Variants in CPED1 observed in about 807,000 individuals in gnomAD.
CPED1 encodes cadherin-like and PC-esterase domain-containing protein 1.
In CPED1, 114 loss-of-function variants were observed where a neutral mutation model predicts 128.2. The observed-to-expected ratio is 0.89, with a 90% confidence interval of 0.76 to 1.04. The LOEUF is 1.04. CPED1 is among the 50% of genes least tolerant of loss of function. The pLI is 0.00. For missense variants in CPED1, 1,211 were observed against 1,207.1 expected, an observed-to-expected ratio of 1.00 and a Z score of -0.05; for synonymous variants, 462 against 426.7, an observed-to-expected ratio of 1.08 and a Z score of -1.02.
Position 121,071,300 on chromosome 7 carries a change from C to A in CPED1, c.616+6987C>A, listed in dbSNP as rs143114864. ...TTCAGATCCCATCCAGTGGTCTAGT[C>A]CTTCTTCTCCCACTTCCTCATTCAC... On this transcript the variant is annotated intron_variant, in intron 5 of 22. Coordinates refer to ENST00000310396, the MANE Select transcript of CPED1 (RefSeq NM_024913.5). 4.5e-4 allele frequency among the ~76,000 whole-genome samples: 68 copies of A among 152,238 alleles called. 2 individuals are homozygous for A. The highest frequency in any genetic ancestry group is 1.6e-3 in the African/African-American group (67 of 41,560).
rs373308383 is a variant in CPED1 at position 121,260,162 on chromosome 7, T to C, written c.2311-6065T>C. 2.1e-4 allele frequency among the ~76,000 whole-genome samples: 31 copies of C among 150,920 alleles called. 1 individual carries two copies. In the East Asian group the frequency reaches 3.4e-3, roughly 16 times the overall value. On this transcript the variant is annotated intron_variant, in intron 18 of 22. Coordinates refer to ENST00000310396, the MANE Select transcript of CPED1 (RefSeq NM_024913.5). ...AGATAATGGCAATGTAGACAAATAA[T>C]TTTGTTCCAAGCAGCTAGAAGAGCT...
chr7:121,267,842 T>G (rs887328220), intron 21 of CPED1, among the ~76,000 whole-genome samples: 1 of 151,992 alleles, frequency 6.6e-6, no homozygotes, highest in Non-Finnish European at 1.5e-5. Flanking sequence ...ATGACCCTGG[T>G]GAGCACTGGG....
At chr7:121,107,942 T>G (rs1327071250) in intron 7 of CPED1, among the ~76,000 whole-genome samples, 2 of 152,116 alleles carry the variant, frequency 1.3e-5, no homozygotes, top group African/African-American at 4.8e-5. Context: ...AAATCTGACT[T>G]GCATTTGTCT....
chr7:121,210,703 T>C (rs887077404), intron 16 of CPED1, among the ~76,000 whole-genome samples: 1 of 151,802 alleles, frequency 6.6e-6, no homozygotes, highest in African/African-American at 2.4e-5. Context: ...GGTTGATGTA[T>C]ACAAAAATGT....
intron 5 of CPED1, among the ~76,000 whole-genome samples, chr7:121,094,203 T>A (rs959988479): frequency 1.3e-5 from 2 of 152,180 alleles, no homozygotes; most frequent in African/African-American, 4.8e-5. Context: ...TTATTGAAAA[T>A]TTTAAAATAA....
chr7:121,283,517 C>G lies in CPED1; in HGVS notation c.2869-11923C>G, dbSNP rs138859337. On this transcript the variant is annotated intron_variant, in intron 22 of 22. Coordinates refer to ENST00000310396, the MANE Select transcript of CPED1 (RefSeq NM_024913.5). The stretch of plus-strand genomic sequence containing the variant: ...TGTGCTAAGCTCTATGTTTAGATTT[C>G]TAGTCACTAAGAGTAGGGAAGAGAG... 2.5e-3 allele frequency among the ~76,000 whole-genome samples: 387 copies of G among 152,302 alleles called. 2 individuals carry two copies. Among genetic ancestry groups the G allele is most frequent in the African/African-American group, 8.8e-3 (367 of 41,574 alleles).
intron 3 of CPED1, among the ~76,000 whole-genome samples, chr7:121,030,959 G>A (rs1792713060): frequency 1.3e-5 from 2 of 152,174 alleles, no homozygotes; most frequent in Non-Finnish European, 2.9e-5. Flanking sequence ...GATGAATTGA[G>A]GTTTAGGCAG....
At position 121,105,937 on chromosome 7, in the gene CPED1, A is replaced by G. The variant is rs75897014; in HGVS notation, c.918+5843A>G. 7.9e-3 allele frequency among the ~76,000 whole-genome samples: 1,201 copies of G among 152,278 alleles called. 21 individuals carry two copies. Among genetic ancestry groups the G allele is most frequent in the African/African-American group, 0.026 (1,094 of 41,566 alleles). On this transcript the variant is annotated intron_variant, in intron 7 of 22. Transcript: ENST00000310396. The stretch of plus-strand genomic sequence containing the variant: ...CTAAATGTAAAGAAAACTATTCATT[A>G]ATGATGATCATCTTTATCTGGCCAA...
chr7:121,166,486 T>C lies in CPED1; in HGVS notation c.2055+24345T>C, dbSNP rs544581707. 7.2e-4 allele frequency among the ~76,000 whole-genome samples: 109 copies of C among 152,330 alleles called. 1 individual carries two copies. Among genetic ancestry groups the C allele is most frequent in the African/African-American group, 2.5e-3 (102 of 41,580 alleles). On this transcript the variant is annotated intron_variant, in intron 16 of 22. Transcript: ENST00000310396. ...TAAATGATTCCAGTTCATCCTTTTTTTGAATTTCAGTTAAATACACATTCT... is the reference window on the plus strand; with the variant it reads ...TAAATGATTCCAGTTCATCCTTTTTCTGAATTTCAGTTAAATACACATTCT...
At chr7:121,023,396 C>G (rs1001555781) in intron 3 of CPED1, among the ~76,000 whole-genome samples, 1 of 152,014 alleles carries the variant, frequency 6.6e-6, no homozygotes, top group Non-Finnish European at 1.5e-5. Flanking sequence ...TAGAACAGCC[C>G]AGAACAAAAA....
At chr7:121,282,320 C>G (rs1045626516) in intron 22 of CPED1, among the ~76,000 whole-genome samples, 1 of 152,138 alleles carries the variant, frequency 6.6e-6, no homozygotes, top group African/African-American at 2.4e-5. Context: ...GGTAACCTAA[C>G]GTGTATTGCA....
chr7:121,223,738 A>G (rs1361905006), intron 16 of CPED1, among the ~76,000 whole-genome samples: 1 of 151,532 alleles, frequency 6.6e-6, no homozygotes, highest in Non-Finnish European at 1.5e-5. Flanking sequence ...TTTCTAGTTT[A>G]TTTTCGTAGA....
At chr7:121,157,767 G>A (rs537591918) in intron 16 of CPED1, among the ~76,000 whole-genome samples, 2 of 152,112 alleles carry the variant, frequency 1.3e-5, no homozygotes, top group South Asian at 2.1e-4. Context: ...AAGGGCTATC[G>A]GCATCCAGAC....
At chr7:121,061,278 G>A (rs1468408733) in intron 4 of CPED1, 2 of 666,076 alleles carry the variant, frequency 3.0e-6, no homozygotes, top group Non-Finnish European at 3.7e-6. Flanking sequence ...ATATCCTAGG[G>A]TTTAAATATT....
rs1584642750 is a variant in CPED1, at chr7:121,266,314, G to A, written c.2398G>A (p.Val800Ile). ...TGAAACGTTGCAGGAATGGCAGAAAGTACATGGCACTAAATTCTATCACAA... is the reference window on the plus strand; with the variant it reads ...TGAAACGTTGCAGGAATGGCAGAAAATACATGGCACTAAATTCTATCACAA... ...LNETLQEWQK[V>I]HGTKFYHNVN... Residue 800 changes from valine to isoleucine, a missense_variant, in exon 19 of 23, where the codon GTA (valine) becomes ATA (isoleucine). Val to Ile is a conservative substitution (Grantham distance 29, BLOSUM62 3). Transcript: ENST00000310396. The A allele has an allele frequency of 6.2e-7, 1 of 1,613,216 alleles. No homozygotes were observed. The highest frequency in any genetic ancestry group is 8.5e-7 in the Non-Finnish European group (1 of 1,179,412).
In CPED1 at chr7:120,989,868, A is replaced by G. The variant is rs1796282502; in HGVS notation, c.247A>G (p.Lys83Glu). The G allele has an allele frequency of 6.2e-7, 1 of 1,614,074 alleles. No homozygotes were observed. Among genetic ancestry groups the G allele is most frequent in the Non-Finnish European group, 8.5e-7 (1 of 1,179,998 alleles). The change falls in exon 2 of 23, where the codon AAG becomes GAG. Residue 83 changes from lysine (K) to glutamate (E), a missense_variant and splice_region_variant. Coordinates refer to ENST00000310396, the MANE Select transcript of CPED1 (RefSeq NM_024913.5). ...LLSGNAQETR[K>E]VKESMETHFG... is the part of the protein sequence containing the mutation. ...CTCTGGTAATGCCCAGGAAACCAGA[A>G]AGGTAAGACTCTCATAAGCTTAACG...
chr7:121,219,713 A>T (rs867145847), intron 16 of CPED1, among the ~76,000 whole-genome samples: 4 of 152,150 alleles, frequency 2.6e-5, no homozygotes, highest in African/African-American at 7.2e-5. Context: ...AATGTGTTAT[A>T]AGTAAGATTA....
chr7:120,990,597 A>G (rs998088394), intron 2 of CPED1, among the ~76,000 whole-genome samples: 1 of 152,208 alleles, frequency 6.6e-6, no homozygotes, highest in Admixed American at 6.5e-5. Flanking sequence ...TATCAGTAAT[A>G]TAATGACCTG....
intron 14 of CPED1, among the ~76,000 whole-genome samples, chr7:121,139,966 T>C (rs909514616): frequency 6.6e-6 from 1 of 152,054 alleles, no homozygotes; most frequent in African/African-American, 2.4e-5. Flanking sequence ...TGGAAAGTAT[T>C]GATGGAATGA....
Sources: gnomAD v4.1 joint callset for allele counts (sites outside exome capture counted in the v4.1 genomes callset) on GRCh38, gnomAD v4.1.1 for gene constraint, MANE v1.5 for transcripts, NCBI Gene and HGNC (gene_info 2026-07-23, HGNC 2026-07-21) for gene names.